The following QSOX2 variants were observed in gnomAD, a reference collection of about 807,000 sequenced individuals.
The protein encoded by QSOX2 is sulfhydryl oxidase 2.
A neutral mutation model predicts 61.7 loss-of-function variants in QSOX2; 46 were observed. The ratio of observed to expected loss-of-function variants is 0.75; its 90% CI spans 0.59 to 0.95. The LOEUF is 0.95. Among genes scored for constraint, QSOX2 ranks in the 40% least tolerant of loss-of-function variants. The pLI is 0.00. For missense variants in QSOX2, 879 were observed against 918.9 expected, an observed-to-expected ratio of 0.96 and a Z score of 0.56; for synonymous variants, 383 against 388.4, an observed-to-expected ratio of 0.99 and a Z score of 0.16.
intron 1 of QSOX2, among the ~76,000 whole-genome samples, chr9:136,240,660 C>T (rs1588642314): frequency 6.6e-6 from 1 of 152,162 alleles, no homozygotes; most frequent in Admixed American, 6.5e-5. Flanking sequence ...ACCCACCTAG[C>T]GACCAGGAGA....
rs1470656792 is a variant in QSOX2 at position 136,222,278 on chromosome 9, C to G, written c.676-337G>C. Among the ~76,000 whole-genome samples the G allele has an allele frequency of 1.3e-5, 2 of 152,194 alleles. No homozygotes were observed. The highest frequency in any genetic ancestry group is 4.1e-4 in the South Asian group (2 of 4,832). On this transcript the variant is annotated intron_variant, in intron 5 of 11. Transcript: ENST00000358701. This position sits in a 1 kb window ranked among gnomAD's most constrained non-coding sequence, Gnocchi z 6.9. The stretch of plus-strand genomic sequence containing the variant: ...GAGTCCCTGCACACAGCAGCCACAC[C>G]CCACGGCCTCGCACTCCCGTCCCGC...
Position 136,215,149 on chromosome 9 carries a change from C to CT in QSOX2, c.1360+4dup. The CT allele has an allele frequency of 6.2e-7, 1 of 1,613,172 alleles. No homozygotes were observed. ...GCCCCTCTGGCCTGTATGGGCACAG[C>CT]TTACCTGTGCCAACCAGTGCATCTG... is the stretch of plus-strand genomic sequence containing the variant. On this transcript the variant is annotated splice_donor_region_variant and intron_variant, in intron 10 of 11. Transcript: ENST00000358701.
chr9:136,228,377 C>T (rs576431493), intron 1 of QSOX2, among the ~76,000 whole-genome samples: 4 of 152,306 alleles, frequency 2.6e-5, no homozygotes, highest in Non-Finnish European at 5.9e-5. Context: ...GTGCTTCAGT[C>T]ACCAGTATCA....
rs538350622 is a variant in QSOX2 at position 136,207,930 on chromosome 9, G to C, written c.*798C>G. 1 of 152,456 alleles carries C rather than the reference G, an allele frequency of 6.6e-6. No homozygotes were observed. Among genetic ancestry groups the C allele is most frequent in the East Asian group, 1.9e-4 (1 of 5,264 alleles). The allele number at this position is 152,456 out of a possible 1,614,324, so 9.4% of individuals were successfully genotyped here. A position where few individuals can be genotyped will look rare whatever the true frequency, so the allele number is the denominator to read the frequency against. ...TCTCTCTCTTGTCACCAGATAGACA[G>C]ACAAAGGCGCTGCCTCTGAGGGTTA... On this transcript the variant is annotated 3_prime_UTR_variant, in exon 12 of 12. Coordinates refer to ENST00000358701, the MANE Select transcript of QSOX2 (RefSeq NM_181701.4).
At chr9:136,218,603 T>G in intron 8 of QSOX2, 76 bp downstream of exon 8, 1 of 1,517,608 alleles carries the variant, frequency 6.6e-7, no homozygotes, top group Non-Finnish European at 8.9e-7. Flanking sequence ...GCCCCCGCAG[T>G]GTCCGACGCC....
chr9:136,212,791 G>A (rs1831862903), intron 10 of QSOX2, among the ~76,000 whole-genome samples: 1 of 152,228 alleles, frequency 6.6e-6, no homozygotes, highest in African/African-American at 2.4e-5. Flanking sequence ...AGGATTAGAG[G>A]CCTTCACAGG....
intron 8 of QSOX2, among the ~76,000 whole-genome samples, chr9:136,218,195 ACAC>A (rs1158224741): frequency 1.3e-5 from 2 of 152,234 alleles, no homozygotes; most frequent in East Asian, 1.9e-4. Flanking sequence ...GTGGTCTCAG[ACAC>A]CACATCTGTG....
intron 2 of QSOX2, among the ~76,000 whole-genome samples, chr9:136,225,720 C>T (rs368120998): frequency 2.6e-5 from 4 of 152,264 alleles, no homozygotes; most frequent in South Asian, 4.1e-4. Flanking sequence ...CCACCAAAGC[C>T]TGGAAGAGCC....
At chr9:136,241,687 G>A (rs1021934853) in intron 1 of QSOX2, among the ~76,000 whole-genome samples, 7 of 152,166 alleles carry the variant, frequency 4.6e-5, no homozygotes, top group African/African-American at 1.7e-4. Context: ...CCTGCAACAT[G>A]AGCGCCCCCG....
chr9:136,220,524 G>A (rs1040664583), intron 6 of QSOX2, among the ~76,000 whole-genome samples: 3 of 152,186 alleles, frequency 2.0e-5, no homozygotes, highest in African/African-American at 7.2e-5. Context: ...AGTCAACCGT[G>A]GCTAAACCAG....
Position 136,218,867 on chromosome 9 carries a change from C to T in QSOX2, c.957-59G>A, listed in dbSNP as rs879242240. The T allele has an allele frequency of 2.5e-6, 4 of 1,595,798 alleles. No individual in the cohort carries two copies. In the South Asian group the frequency reaches 4.5e-5, roughly 18 times the overall value. On this transcript the variant is annotated intron_variant, in intron 7 of 11. Coordinates refer to ENST00000358701, the MANE Select transcript of QSOX2 (RefSeq NM_181701.4). ...CAACCTTTCCCTCCACAGCAAGTCTCCCTGTCCTGGCTCCTCCCCACGGAC... is the reference window on the plus strand; with the variant it reads ...CAACCTTTCCCTCCACAGCAAGTCTTCCTGTCCTGGCTCCTCCCCACGGAC...
chr9:136,233,087 G>GAGCGAGCACAAA (rs1345907812), intron 1 of QSOX2, among the ~76,000 whole-genome samples: 4 of 152,102 alleles, frequency 2.6e-5, no homozygotes, highest in African/African-American at 7.2e-5. Context: ...GTCGGGAGAG[G>GAGCGAGCACAAA]CTGACTCTGC....
rs1028290762 is a variant in QSOX2 at position 136,221,239 on chromosome 9, C to T, written c.821+557G>A. Among the ~76,000 whole-genome samples, 5 of 150,686 alleles carry T rather than the reference C, an allele frequency of 3.3e-5. No individual in the cohort carries two copies. Among genetic ancestry groups the T allele is most frequent in the Admixed American group, 6.6e-5 (1 of 15,176 alleles). ...TCATGAGGGGCACACAGGCACCCCA[C>T]GCAGGGGCGAAGGGCTTATCCTCAT... is the stretch of plus-strand genomic sequence containing the variant. On this transcript the variant is annotated intron_variant, in intron 6 of 11. Transcript: ENST00000358701. The surrounding 1 kb of genome is among the most constrained non-coding windows in gnomAD (Gnocchi z 4.5).
intron 9 of QSOX2, 83 bp from the exon 10 acceptor site, chr9:136,215,387 C>G: frequency 2.4e-6 from 3 of 1,274,504 alleles, no homozygotes; most frequent in Admixed American, 2.6e-5. Context: ...GCCTTCTTGA[C>G]TGGGGGGGGT....
chr9:136,245,445 CGG>C (rs534471941), intron 1 of QSOX2, 29 bp downstream of exon 1: 5 of 1,547,948 alleles, frequency 3.2e-6, no homozygotes, highest in Non-Finnish European at 4.3e-6. Context: ...TCCCGGGGGT[CGG>C]GGGGTCCCCG....
rs188643158 is a variant in QSOX2 at position 136,234,214 on chromosome 9, T to C, written c.329-7340A>G. On this transcript the variant is annotated intron_variant, in intron 1 of 11. Transcript: ENST00000358701. ...GACGATCTTCTCTAGCTTCCTTTAC[T>C]GTAAGAACACAGTACGGAACACGTG... Among the ~76,000 whole-genome samples the C allele has an allele frequency of 2.1e-3, 324 of 152,366 alleles. 3 individuals carry two copies. Among genetic ancestry groups the C allele is most frequent in the African/African-American group, 7.6e-3 (318 of 41,588 alleles).
At position 136,207,364 on chromosome 9, in the gene QSOX2, TACACACACACACACACAC is replaced by T. The variant is rs58474709; in HGVS notation, c.*1346_*1363del. On this transcript the variant is annotated 3_prime_UTR_variant, in exon 12 of 12. Coordinates refer to ENST00000358701, the MANE Select transcript of QSOX2 (RefSeq NM_181701.4). ...ACCGTCAAAGTCTCTCTCTCTCTCA[TACACACACACACACACAC>T]ACACACACACACACACACACGGGCA... The T allele has an allele frequency of 1.3e-4, 19 of 145,124 alleles. No homozygotes were observed. The highest frequency in any genetic ancestry group is 9.0e-4 in the South Asian group (4 of 4,434). 9.0% of individuals were successfully genotyped at this position (145,124 alleles called of 1,614,324 possible).
rs777910727 is a variant in QSOX2 at position 136,223,660 on chromosome 9, G to A, written c.675+103C>T. ...AGACCTAAAGCCACAGACAGGACAC[G>A]AGATGCCGACACAGTGACCGGCACC... On this transcript the variant is annotated intron_variant, in intron 5 of 11. Transcript: ENST00000358701. This position sits in a 1 kb window ranked among gnomAD's most constrained non-coding sequence, Gnocchi z 4.4. 12 of 819,676 alleles carry A rather than the reference G, an allele frequency of 1.5e-5. No individual in the cohort carries two copies. Among genetic ancestry groups the A allele is most frequent in the Non-Finnish European group, 2.0e-5 (10 of 504,318 alleles). 50.8% of individuals were successfully genotyped at this position (819,676 alleles called of 1,614,324 possible). A position where few individuals can be genotyped will look rare whatever the true frequency, so the allele number is the denominator to read the frequency against.
intron 1 of QSOX2, among the ~76,000 whole-genome samples, chr9:136,234,890 G>A (rs1037524956): frequency 3.9e-5 from 6 of 152,256 alleles, no homozygotes; most frequent in Non-Finnish European, 5.9e-5. Flanking sequence ...GACCACAGGC[G>A]AGTCTTGCTC....
Sources: gnomAD v4.1 joint callset for allele counts (sites outside exome capture counted in the v4.1 genomes callset) on GRCh38, gnomAD v4.1.1 for gene constraint, Gnocchi (gnomAD v3.1) non-coding constraint, MANE v1.5 for transcripts, NCBI Gene and HGNC (gene_info 2026-07-23, HGNC 2026-07-21) for gene names.